Variants in EXOC4 observed in about 807,000 individuals in gnomAD.
The protein encoded by EXOC4 is exocyst complex component 4, also known as SEC8-like 1.
In EXOC4, 71 loss-of-function variants were observed where a neutral mutation model predicts 107.2. The ratio of observed to expected loss-of-function variants is 0.66; its 90% CI spans 0.55 to 0.81. The LOEUF is 0.81. Ranked by LOEUF, EXOC4 falls within the 30% of genes least tolerant of loss-of-function variation. The pLI is 0.00. For missense variants in EXOC4, 1,108 were observed against 1,189.6 expected, an observed-to-expected ratio of 0.93 and a Z score of 1.01; for synonymous variants, 456 against 441.2, an observed-to-expected ratio of 1.03 and a Z score of -0.42.
intron 5 of EXOC4, among the ~76,000 whole-genome samples, chr7:133,323,385 C>T (rs1795160384): frequency 6.6e-6 from 1 of 152,154 alleles, no homozygotes; most frequent in Non-Finnish European, 1.5e-5. Flanking sequence ...AGATATGTTC[C>T]ATCAATACCT....
intron 11 of EXOC4, among the ~76,000 whole-genome samples, chr7:133,862,493 G>A (rs577380825): frequency 2.0e-5 from 3 of 150,416 alleles, no homozygotes; most frequent in Admixed American, 6.6e-5. Context: ...AGGGGGCGGG[G>A]AAAAAAAAAG....
intron 12 of EXOC4, among the ~76,000 whole-genome samples, chr7:133,907,906 C>A (rs145063432): frequency 7.3e-4 from 111 of 152,236 alleles, no homozygotes; most frequent in African/African-American, 2.6e-3. Context: ...GAACTCTTAG[C>A]TTCCAGAAGT....
chr7:133,651,714 T>C (rs1016356823), intron 10 of EXOC4, among the ~76,000 whole-genome samples: 6 of 152,296 alleles, frequency 3.9e-5, no homozygotes, highest in Middle Eastern at 3.4e-3. Flanking sequence ...AGATGGAGTC[T>C]TGCTCTGTCG....
chr7:133,416,412 A>C (rs1039108718), intron 7 of EXOC4, among the ~76,000 whole-genome samples: 2 of 152,202 alleles, frequency 1.3e-5, no homozygotes, highest in African/African-American at 4.8e-5. Flanking sequence ...TTTTAAAAAG[A>C]TGTAATTTGC....
chr7:133,319,981 C>G (rs1226061952), intron 5 of EXOC4, among the ~76,000 whole-genome samples: 1 of 151,172 alleles, frequency 6.6e-6, no homozygotes, highest in Non-Finnish European at 1.5e-5. Flanking sequence ...CATGAATTAA[C>G]TCATTTAGTC....
chr7:133,444,830 A>G (rs1798181884), intron 7 of EXOC4, among the ~76,000 whole-genome samples: 1 of 152,208 alleles, frequency 6.6e-6, no homozygotes, highest in African/African-American at 2.4e-5. Flanking sequence ...TGTTCAGGTC[A>G]GAGGTCTGGG....
chr7:133,550,413 A>G (rs1326200682), intron 9 of EXOC4, among the ~76,000 whole-genome samples: 2 of 152,190 alleles, frequency 1.3e-5, no homozygotes, highest in African/African-American at 4.8e-5. Context: ...TACTCACAAT[A>G]GCAGAGTTAT....
chr7:133,752,470 C>T (rs1795815000), intron 10 of EXOC4, among the ~76,000 whole-genome samples: 1 of 152,120 alleles, frequency 6.6e-6, no homozygotes, highest in African/African-American at 2.4e-5. Context: ...GATGTTTTCT[C>T]GTTTGCTTAT....
chr7:133,578,596 G>C (rs1801184528), intron 9 of EXOC4, among the ~76,000 whole-genome samples: 1 of 152,146 alleles, frequency 6.6e-6, no homozygotes, highest in African/African-American at 2.4e-5. Flanking sequence ...AAAAAGACTT[G>C]CCTCACTTCA....
chr7:133,626,842 GT>G (rs1455463967), intron 9 of EXOC4, among the ~76,000 whole-genome samples: 2 of 152,120 alleles, frequency 1.3e-5, no homozygotes, highest in Admixed American at 6.6e-5. Flanking sequence ...ATCAACAAAC[GT>G]TTATTAAGCA....
intron 10 of EXOC4, among the ~76,000 whole-genome samples, chr7:133,693,585 G>A (rs1396846738): frequency 6.6e-6 from 1 of 152,276 alleles, no homozygotes; most frequent in Non-Finnish European, 1.5e-5. Context: ...TTAGAAAGTC[G>A]TGTAGCCACG....
intron 7 of EXOC4, among the ~76,000 whole-genome samples, chr7:133,465,176 G>C (rs1235696066): frequency 2.0e-5 from 3 of 152,080 alleles, no homozygotes; most frequent in African/African-American, 4.8e-5. Flanking sequence ...AAGTTGAAAA[G>C]AAAAGGGGAG....
intron 10 of EXOC4, among the ~76,000 whole-genome samples, chr7:133,693,116 A>G (rs746966535): frequency 5.3e-5 from 8 of 152,198 alleles, no homozygotes; most frequent in Admixed American, 2.0e-4. Context: ...GTGAAGTTCC[A>G]CAATAAGCTG....
At chr7:133,632,908 T>G (rs916567805) in intron 10 of EXOC4, among the ~76,000 whole-genome samples, 1 of 152,054 alleles carries the variant, frequency 6.6e-6, no homozygotes, top group Admixed American at 6.5e-5. Context: ...TGAAAGATAG[T>G]GTAGCCTAAT....
intron 17 of EXOC4, among the ~76,000 whole-genome samples, chr7:134,021,912 T>A (rs555705641): frequency 1.3e-5 from 2 of 151,774 alleles, no homozygotes; most frequent in Admixed American, 1.3e-4. Flanking sequence ...ATTTGGGGTA[T>A]TGGGGACAGA....
chr7:133,687,781 T>TA (rs1272882232), intron 10 of EXOC4, among the ~76,000 whole-genome samples: 23 of 152,180 alleles, frequency 1.5e-4, no homozygotes, highest in African/African-American at 5.6e-4. Flanking sequence ...TAACTAGTTA[T>TA]ATTCTTCAAT....
intron 11 of EXOC4, among the ~76,000 whole-genome samples, chr7:133,821,093 T>C (rs747093352): frequency 7.2e-5 from 11 of 152,174 alleles, no homozygotes; most frequent in Non-Finnish European, 1.0e-4. Context: ...GTGGTAATAA[T>C]AGAAGAAGTA....
intron 17 of EXOC4, among the ~76,000 whole-genome samples, chr7:134,049,717 C>T (rs1795737692): frequency 6.6e-6 from 1 of 152,128 alleles, no homozygotes; most frequent in Non-Finnish European, 1.5e-5. Flanking sequence ...CTCTGCATCG[C>T]CAGAGAACAA....
chr7:133,884,581 C>CTGTGTG (rs34350149), intron 11 of EXOC4, among the ~76,000 whole-genome samples: 2,454 of 143,676 alleles, frequency 0.017, 34 homozygotes, highest in African/African-American at 0.042. Context: ...GCCCTATGCT[C>CTGTGTG]TGTGTGTGTG....
Sources: allele counts gnomAD v4.1 joint callset (sites outside exome capture counted in the v4.1 genomes callset), GRCh38; gene constraint gnomAD v4.1.1; transcripts MANE v1.5; gene names NCBI Gene and HGNC (gene_info 2026-07-23, HGNC 2026-07-21).